Variants in FRAS1 observed in about 807,000 individuals in gnomAD.
FRAS1 encodes extracellular matrix organizing protein FRAS1.
In FRAS1, 290 loss-of-function variants were observed where a neutral mutation model predicts 435.2. The observed-to-expected ratio is 0.67, with a 90% CI of 0.61 to 0.73. The LOEUF (loss-of-function observed/expected upper bound fraction) is 0.73, where lower values mean the gene tolerates loss of function less well. Ranked by LOEUF, FRAS1 falls within the 30% of genes least tolerant of loss-of-function variation. The pLI, the probability that FRAS1 is intolerant of heterozygous loss-of-function variation, is 0.00. For synonymous variants in FRAS1, 1,800 were observed against 1,851.0 expected (o/e 0.97, Z 0.71); for missense variants, 4,860 against 5,001.5 (o/e 0.97, Z 0.85).
At chr4:78,496,727 G>T (rs970231203) in intron 59 of FRAS1, 78 bp from the exon 60 acceptor site, 4 of 1,313,854 alleles carry the variant, frequency 3.0e-6, no homozygotes, top group Non-Finnish European at 4.3e-6. Flanking sequence ...AAAGAAGAAA[G>T]ATAGTTTTCT....
chr4:78,212,410 G>T (rs566805668), intron 2 of FRAS1, among the ~76,000 whole-genome samples: 28 of 152,230 alleles, frequency 1.8e-4, no homozygotes, highest in Admixed American at 1.7e-3. Flanking sequence ...AGGAGCTTAA[G>T]AAAGGGAGAG....
chr4:78,072,905 C>T (rs1327022173), intron 2 of FRAS1, among the ~76,000 whole-genome samples: 1 of 152,056 alleles, frequency 6.6e-6, no homozygotes, highest in Non-Finnish European at 1.5e-5. Context: ...ACTAGACAAA[C>T]AGAATCGGGA....
At chr4:78,412,916 C>A in intron 31 of FRAS1, 53 bp from the exon 32 acceptor site, 1 of 1,131,016 alleles carries the variant, frequency 8.8e-7, no homozygotes, top group Non-Finnish European at 1.3e-6. Flanking sequence ...CACGTACTAA[C>A]ATGCTCTGCT....
intron 50 of FRAS1, among the ~76,000 whole-genome samples, chr4:78,469,362 T>C (rs1400233307): frequency 1.3e-5 from 2 of 152,336 alleles, no homozygotes; most frequent in African/African-American, 2.4e-5. Context: ...TCTGTGAGAA[T>C]GGGATTATAA....
rs183299963 is a variant in FRAS1 at position 78,282,695 on chromosome 4, T to C, written c.1108-125T>C. The C allele has an allele frequency of 4.0e-5, 38 of 958,858 alleles. No individual in the cohort carries two copies. The East Asian group carries it at 6.4e-4, about 16-fold the overall frequency. 59.4% of individuals were successfully genotyped at this position (958,858 alleles called of 1,614,324 possible). ...GCTATTGTTCTGTTTCAGAGTTAGA[T>C]TTGGCAGAGTACTGATTAGCTGCCT... On this transcript the variant is annotated intron_variant, in intron 11 of 73. Coordinates refer to ENST00000512123, the MANE Select transcript of FRAS1 (RefSeq NM_025074.7).
intron 1 of FRAS1, among the ~76,000 whole-genome samples, chr4:78,058,442 C>G (rs1578096788): frequency 6.6e-6 from 1 of 152,188 alleles, no homozygotes; most frequent in East Asian, 1.9e-4. Context: ...AGGTGAGGAG[C>G]GAACAATTGC....
At position 78,430,383 on chromosome 4, in the gene FRAS1, G is replaced by A; in HGVS notation, c.4935G>A (p.Lys1645=). 1.2e-6 allele frequency: 2 copies of A among 1,613,668 alleles called. No homozygotes were observed. The highest frequency in any genetic ancestry group is 1.7e-6 in the Non-Finnish European group (2 of 1,179,762). The change falls in exon 37 of 74, where the codon AAG becomes AAA. Residue 1645 remains lysine (K), a synonymous_variant. Transcript: ENST00000512123. ...RRPPQHGVLL[K]HTAEFRRPMA... ...CTCCACAGCATGGTGTGCTTCTTAA[G>A]CATACAGCTGAGTTCCGAAGGCCGA...
intron 46 of FRAS1, 51 bp downstream of exon 46, chr4:78,451,942 G>T: frequency 6.5e-7 from 1 of 1,540,362 alleles, no homozygotes; most frequent in South Asian, 1.2e-5. Flanking sequence ...CAGTTCTGAG[G>T]TTATATAGTT....
At chr4:78,128,327 C>T (rs1578142463) in intron 2 of FRAS1, among the ~76,000 whole-genome samples, 1 of 152,208 alleles carries the variant, frequency 6.6e-6, no homozygotes, top group Non-Finnish European at 1.5e-5. Context: ...GGAATCGCCA[C>T]ACTGACTTCC....
intron 2 of FRAS1, among the ~76,000 whole-genome samples, chr4:78,228,561 C>G (rs1228263689): frequency 6.6e-6 from 1 of 152,100 alleles, no homozygotes; most frequent in Admixed American, 6.5e-5. Context: ...TGAAGATATC[C>G]TATTTTGTGT....
intron 2 of FRAS1, among the ~76,000 whole-genome samples, chr4:78,153,268 G>A (rs1480768573): frequency 6.6e-6 from 1 of 151,872 alleles, no homozygotes; most frequent in East Asian, 1.9e-4. Context: ...ACCAGACTAT[G>A]AGCTCTATGA....
At chr4:78,154,195 C>A (rs895659726) in intron 2 of FRAS1, among the ~76,000 whole-genome samples, 1 of 151,936 alleles carries the variant, frequency 6.6e-6, no homozygotes, top group African/African-American at 2.4e-5. Context: ...TCAGAAATAA[C>A]CCTACTCACT....
rs60505131 is a variant in FRAS1, at chr4:78,249,064, C to CATATATATATATATATATGCATAT, written c.310-3310_310-3309insGCATATATATATATATATATATAT. 2.0e-3 allele frequency among the ~76,000 whole-genome samples: 33 copies of CATATATATATATATATATGCATAT among 16,636 alleles called. 2 individuals carry two copies. Among genetic ancestry groups the CATATATATATATATATATGCATAT allele is most frequent in the South Asian group, 7.8e-3 (1 of 128 alleles). The allele number at this position is 16,636 out of a possible 152,430, so 10.9% of individuals were successfully genotyped here. Reference sequence around the variant, plus strand: ...AGAACTACTGATATATATATATATGCATATATATATATATATATATATGCA... The same window carrying CATATATATATATATATATGCATAT: ...AGAACTACTGATATATATATATATGCATATATATATATATATATGCATATATATATATATATATATATATATGCA... On this transcript the variant is annotated intron_variant, in intron 4 of 73. Transcript: ENST00000512123.
At chr4:78,193,838 T>C (rs1412173549) in intron 2 of FRAS1, among the ~76,000 whole-genome samples, 5 of 152,148 alleles carry the variant, frequency 3.3e-5, no homozygotes, top group African/African-American at 4.8e-5. Context: ...TTATTTTGCT[T>C]GTTAGTTGAT....
chr4:78,265,043 G>C lies in FRAS1; in HGVS notation c.622G>C (p.Val208Leu). Residue 208 changes from valine to leucine, a missense_variant, in exon 7 of 74, where the codon GTC becomes CTC. Transcript: ENST00000512123. Reference sequence around the variant, plus strand: ...TGTTAAGGATGAGACTGTAGTCCGAGTCCCTGGAAAATGTTGCCCGCAGTG... The same window carrying C: ...TGTTAAGGATGAGACTGTAGTCCGACTCCCTGGAAAATGTTGCCCGCAGTG... Reference protein sequence around the residue: ...FCNQDETVVRVPGKCCPQCSA... With the variant: ...FCNQDETVVRLPGKCCPQCSA... 1 of 1,611,236 alleles carries C rather than the reference G, an allele frequency of 6.2e-7. No individual in the cohort carries two copies. Among genetic ancestry groups the C allele is most frequent in the Non-Finnish European group, 8.5e-7 (1 of 1,177,650 alleles).
At chr4:78,539,563 C>T in intron 73 of FRAS1, 123 bp downstream of exon 73, 2 of 975,492 alleles carry the variant, frequency 2.1e-6, no homozygotes, top group Admixed American at 5.1e-5. Context: ...TTCTTGCTGG[C>T]AGATCTTTTC....
At chr4:78,496,476 G>A (rs1466410159) in intron 59 of FRAS1, among the ~76,000 whole-genome samples, 2 of 152,166 alleles carry the variant, frequency 1.3e-5, no homozygotes, top group Admixed American at 6.5e-5. Context: ...GTATTAAGCA[G>A]CACAGAAAAA....
intron 30 of FRAS1, among the ~76,000 whole-genome samples, chr4:78,405,460 G>A (rs1324199057): frequency 6.6e-6 from 1 of 152,156 alleles, no homozygotes; most frequent in Non-Finnish European, 1.5e-5. Context: ...AAACTACAGT[G>A]AGTTGACTCA....
At chr4:78,137,169 T>C (rs10003965) in intron 2 of FRAS1, among the ~76,000 whole-genome samples, 25,254 of 152,242 alleles carry the variant, frequency 0.17, 2,273 homozygotes, top group Admixed American at 0.2. Context: ...ATGGCTTTCA[T>C]AGTCCTTTGA....
Sources: allele counts gnomAD v4.1 joint callset (sites outside exome capture counted in the v4.1 genomes callset), GRCh38; gene constraint gnomAD v4.1.1; transcripts MANE v1.5; gene names NCBI Gene and HGNC (gene_info 2026-07-23, HGNC 2026-07-21).